Variants in MAP2 observed in about 807,000 individuals in gnomAD.
MAP2 encodes the protein microtubule associated protein 2.
MAP2 carries 14 observed loss-of-function variants against 137.6 expected under a neutral mutation model. The observed-to-expected ratio is 0.10, with a 90% CI of 0.07 to 0.16. The LOEUF is 0.16. MAP2 is among the 10% of genes least tolerant of loss of function. MAP2 has a pLI of 1.00. For synonymous variants in MAP2, 786 were observed against 782.3 expected (o/e 1.00, Z -0.08); for missense variants, 2,088 against 2,191.5 (o/e 0.95, Z 0.94).
chr2:209,684,730 C>T (rs1331614762), intron 7 of MAP2: 2 of 152,098 alleles, frequency 1.3e-5, no homozygotes, highest in East Asian at 3.9e-4. Context: ...TATAAGGTTA[C>T]CCTGTTTTTA....
At chr2:209,494,432 TA>T (rs34659853) in intron 1 of MAP2, among the ~76,000 whole-genome samples, 1,557 of 135,334 alleles carry the variant, frequency 0.012, 10 homozygotes, top group African/African-American at 0.029. Flanking sequence ...AAAGTATAAT[TA>T]AAAAAAAAAA....
intron 1 of MAP2, among the ~76,000 whole-genome samples, chr2:209,455,267 A>G (rs1701273040): frequency 6.6e-6 from 1 of 152,238 alleles, no homozygotes; most frequent in African/African-American, 2.4e-5. Context: ...GAAGAAACTG[A>G]CATGAAGAGA....
rs2075802368 is a variant in MAP2 at position 209,731,732 on chromosome 2, T to C, written c.*1335T>C. 6.6e-6 allele frequency: 1 copy of C among 152,378 alleles called. No homozygotes were observed. The highest frequency in any genetic ancestry group is 1.5e-5 in the Non-Finnish European group (1 of 68,042). The allele number at this position is 152,378 out of a possible 1,614,324, so 9.4% of individuals were successfully genotyped here. On this transcript the variant is annotated 3_prime_UTR_variant, in exon 16 of 16. Transcript: ENST00000682079. ...AGTATCTGTTTATTAAATTCTCTAA[T>C]AGAAGATGTTTGTCTTTCTTACCCA... is the stretch of plus-strand genomic sequence containing the variant.
intron 2 of MAP2, among the ~76,000 whole-genome samples, chr2:209,533,688 C>T (rs1383785385): frequency 6.6e-6 from 1 of 152,136 alleles, no homozygotes; most frequent in Non-Finnish European, 1.5e-5. Context: ...TCAAGGCATA[C>T]TTATGCTTCT....
chr2:209,563,657 C>G (rs979261290), intron 2 of MAP2, among the ~76,000 whole-genome samples: 1 of 152,200 alleles, frequency 6.6e-6, no homozygotes, highest in Non-Finnish European at 1.5e-5. Context: ...GTCCCAAGCT[C>G]TGAAGACCAA....
intron 2 of MAP2, among the ~76,000 whole-genome samples, chr2:209,574,218 C>T (rs78764518): frequency 0.012 from 1,778 of 152,138 alleles, 35 homozygotes; most frequent in African/African-American, 0.041. Context: ...CCAAACTGTC[C>T]CCCAGCCCTG....
At chr2:209,535,249 T>C (rs1164191164) in intron 2 of MAP2, among the ~76,000 whole-genome samples, 1 of 152,230 alleles carries the variant, frequency 6.6e-6, no homozygotes, top group Non-Finnish European at 1.5e-5. Flanking sequence ...AGTTGTGTCA[T>C]GTGCTCAATT....
chr2:209,598,416 T>G (rs1480758485), intron 3 of MAP2, among the ~76,000 whole-genome samples: 1 of 151,670 alleles, frequency 6.6e-6, no homozygotes, highest in East Asian at 1.9e-4. Context: ...AAAATTTATT[T>G]ATTTTATTTA....
At chr2:209,612,275 G>A (rs985031623) in intron 3 of MAP2, among the ~76,000 whole-genome samples, 7 of 152,128 alleles carry the variant, frequency 4.6e-5, no homozygotes, top group African/African-American at 1.7e-4. Flanking sequence ...TGAAAAGATA[G>A]AAGTTTTCTA....
intron 13 of MAP2, among the ~76,000 whole-genome samples, chr2:209,716,372 T>C (rs1014047524): frequency 1.3e-5 from 2 of 152,242 alleles, no homozygotes; most frequent in African/African-American, 4.8e-5. Flanking sequence ...TGATTATGAA[T>C]GTTTTATGTC....
At chr2:209,482,392 A>G (rs1332936590) in intron 1 of MAP2, among the ~76,000 whole-genome samples, 2 of 152,240 alleles carry the variant, frequency 1.3e-5, no homozygotes, top group African/African-American at 4.8e-5. Flanking sequence ...TAATGTCACC[A>G]TCAGAAATCC....
chr2:209,480,256 A>G (rs1420388183), intron 1 of MAP2, among the ~76,000 whole-genome samples: 1 of 152,182 alleles, frequency 6.6e-6, no homozygotes, highest in East Asian at 1.9e-4. Flanking sequence ...GTAGTCTACT[A>G]GACTAGTAGA....
At chr2:209,654,224 A>G (rs1381701344) in intron 5 of MAP2, among the ~76,000 whole-genome samples, 1 of 152,234 alleles carries the variant, frequency 6.6e-6, no homozygotes, top group African/African-American at 2.4e-5. Flanking sequence ...TATTAGCTCA[A>G]GATAGTTTAC....
At chr2:209,514,395 A>G (rs2062165106) in intron 2 of MAP2, among the ~76,000 whole-genome samples, 1 of 152,000 alleles carries the variant, frequency 6.6e-6, no homozygotes, top group African/African-American at 2.4e-5. Flanking sequence ...TCCTTAATTA[A>G]ATGTAGTATC....
intron 13 of MAP2, among the ~76,000 whole-genome samples, chr2:209,714,635 A>G (rs1188347826): frequency 6.6e-6 from 1 of 152,242 alleles, no homozygotes; most frequent in Non-Finnish European, 1.5e-5. Flanking sequence ...CATTCTAGAA[A>G]TAAAGCAATC....
chr2:209,490,434 C>G (rs57917236), intron 1 of MAP2, among the ~76,000 whole-genome samples: 3,438 of 151,182 alleles, frequency 0.023, 120 homozygotes, highest in African/African-American at 0.078. Context: ...ACAATACGAA[C>G]CTTAAGTGTA....
intron 1 of MAP2, among the ~76,000 whole-genome samples, chr2:209,447,297 G>T (rs1412655081): frequency 6.6e-6 from 1 of 151,872 alleles, no homozygotes; most frequent in African/African-American, 2.4e-5. Flanking sequence ...TTAGGAAAGA[G>T]GCCACTTTCA....
chr2:209,706,959 C>CA (rs2063628574), intron 12 of MAP2, among the ~76,000 whole-genome samples: 1 of 151,940 alleles, frequency 6.6e-6, no homozygotes, highest in South Asian at 2.1e-4. Flanking sequence ...TTTATCATAG[C>CA]AAAAATAAAT....
At chr2:209,486,469 G>C (rs189576379) in intron 1 of MAP2, among the ~76,000 whole-genome samples, 2 of 152,006 alleles carry the variant, frequency 1.3e-5, no homozygotes, top group Admixed American at 6.6e-5. Context: ...TGATCCACCC[G>C]CCTCAGCCTC....
Sources: gnomAD v4.1 joint callset for allele counts (sites outside exome capture counted in the v4.1 genomes callset) on GRCh38, gnomAD v4.1.1 for gene constraint, MANE v1.5 for transcripts, NCBI Gene and HGNC (gene_info 2026-07-23, HGNC 2026-07-21) for gene names.